GTF2IRD1: variants seen among roughly 807,000 people sequenced by gnomAD.
GTF2IRD1 encodes the protein general transcription factor II-I repeat domain-containing protein 1.
Under a neutral mutation model 113.2 loss-of-function variants are expected in GTF2IRD1, and 26 were observed. That is an observed-to-expected ratio of 0.23 (90% CI 0.17 to 0.32). GTF2IRD1 has a LOEUF of 0.32. GTF2IRD1 is among the 10% of genes least tolerant of loss of function. The pLI is 1.00. For synonymous variants in GTF2IRD1, 484 were observed against 529.1 expected, an observed-to-expected ratio of 0.91 and a Z score of 1.17; for missense variants, 864 against 1,280.8, an observed-to-expected ratio of 0.67 and a Z score of 4.97.
Position 74,512,812 on chromosome 7 carries a change from A to G in GTF2IRD1, c.124-18A>G. On this transcript the variant is annotated intron_variant, in intron 2 of 26. Transcript: ENST00000424337. This position sits in a 1 kb window ranked among gnomAD's most constrained non-coding sequence, Gnocchi z 4.4. Reference sequence around the variant, plus strand: ...GTATGGGGAGCCCTTCCGCTCACACAGCCTGCCCTTCCCACAGTGCTCAGC... The same window carrying G: ...GTATGGGGAGCCCTTCCGCTCACACGGCCTGCCCTTCCCACAGTGCTCAGC... 4 of 1,612,858 alleles carry G rather than the reference A, an allele frequency of 2.5e-6. No individual in the cohort carries two copies. Among genetic ancestry groups the G allele is most frequent in the African/African-American group, 2.7e-5 (2 of 75,026 alleles).
rs1328161110 is a variant in GTF2IRD1, at chr7:74,512,547, T to C, written c.124-283T>C. Among the ~76,000 whole-genome samples the C allele has an allele frequency of 6.6e-6, 1 of 152,126 alleles. No homozygotes were observed. Among genetic ancestry groups the C allele is most frequent in the African/African-American group, 2.4e-5 (1 of 41,424 alleles). ...AGAAAACCCAGCACGGCATTGTCCC[T>C]GGGGCTGGGGCTAAGGGGGGCCTAC... On this transcript the variant is annotated intron_variant, in intron 2 of 26. Coordinates refer to ENST00000424337, the MANE Select transcript of GTF2IRD1 (RefSeq NM_005685.4). The surrounding 1 kb of genome is among the most constrained non-coding windows in gnomAD (Gnocchi z 4.4).
At chr7:74,596,746 G>A (rs1176702461) in intron 25 of GTF2IRD1, among the ~76,000 whole-genome samples, 1 of 152,132 alleles carries the variant, frequency 6.6e-6, no homozygotes, top group Non-Finnish European at 1.5e-5. Context: ...TTGAGTCCAG[G>A]AGTTTGAAAC....
Position 74,538,727 on chromosome 7 carries a change from G to A in GTF2IRD1, c.1495G>A (p.Glu499Lys), listed in dbSNP as rs1299719807. ...GCTGAGGCCGATCAAAATTGAGCCAGAGGATCTGGACATCATTCAGGTCAC... is the reference window on the plus strand; with the variant it reads ...GCTGAGGCCGATCAAAATTGAGCCAAAGGATCTGGACATCATTCAGGTCAC... ...GGLRPIKIEP[E>K]DLDIIQVTVP... Residue 499 changes from glutamate to lysine, a missense_variant, in exon 13 of 27, where the codon GAG (glutamate) becomes AAG (lysine). Physicochemically the swap from Glu to Lys is moderately conservative, Grantham distance 56. Around this residue, in one of 7 missense-constraint regions of GTF2IRD1, gnomAD observed 218 missense variants for 352.6 expected, o/e 0.62. Transcript: ENST00000424337. 4 of 1,605,002 alleles carry A rather than the reference G, an allele frequency of 2.5e-6. No individual in the cohort carries two copies. The highest frequency in any genetic ancestry group is 3.4e-6 in the Non-Finnish European group (4 of 1,171,880).
In GTF2IRD1 at chr7:74,513,000, G is replaced by A. The variant is rs536029138; in HGVS notation, c.265+29G>A. ...AGTACCCCAGGGCTCCGGAGGGCCG[G>A]GCCCGCCATTTCCCGAGGGCAGGCG... On this transcript the variant is annotated intron_variant, in intron 3 of 26. Coordinates refer to ENST00000424337, the MANE Select transcript of GTF2IRD1 (RefSeq NM_005685.4). This position sits in a 1 kb window ranked among gnomAD's most constrained non-coding sequence, Gnocchi z 4.4. 6.2e-7 allele frequency: 1 copy of A among 1,605,654 alleles called. No homozygotes were observed.
chr7:74,479,176 G>A (rs1008194893), intron 1 of GTF2IRD1, among the ~76,000 whole-genome samples: 1 of 152,138 alleles, frequency 6.6e-6, no homozygotes, highest in Non-Finnish European at 1.5e-5. Context: ...TTCCTCCGCC[G>A]TAGCTTCCTG....
At chr7:74,540,065 G>A in intron 14 of GTF2IRD1, 97 bp downstream of exon 14, 2 of 844,248 alleles carry the variant, frequency 2.4e-6, no homozygotes, top group East Asian at 2.5e-5. Context: ...GTTTCTTGGT[G>A]TCAGCCGTCT....
chr7:74,460,102 A>G (rs1793266157), intron 1 of GTF2IRD1, among the ~76,000 whole-genome samples: 1 of 150,600 alleles, frequency 6.6e-6, no homozygotes, highest in Non-Finnish European at 1.5e-5. Context: ...CAGTCTCCCA[A>G]GTAGGTGGGA....
chr7:74,459,055 C>A (rs572188970), intron 1 of GTF2IRD1, among the ~76,000 whole-genome samples: 2 of 152,132 alleles, frequency 1.3e-5, no homozygotes, highest in Non-Finnish European at 2.9e-5. Flanking sequence ...TCTCTCTGGG[C>A]CAATCTGCAC....
intron 22 of GTF2IRD1, among the ~76,000 whole-genome samples, chr7:74,579,269 C>T (rs1300153988): frequency 6.6e-6 from 1 of 152,068 alleles, no homozygotes; most frequent in Non-Finnish European, 1.5e-5. Context: ...GATCGCACTA[C>T]TGCATGGGTG....
chr7:74,587,574 G>A (rs184772595), intron 22 of GTF2IRD1, among the ~76,000 whole-genome samples: 27 of 152,014 alleles, frequency 1.8e-4, no homozygotes, highest in African/African-American at 6.0e-4. Flanking sequence ...CACCCTTACC[G>A]AACCCGCCTG....
At chr7:74,483,487 A>G (rs934379237) in intron 1 of GTF2IRD1, among the ~76,000 whole-genome samples, 3 of 152,294 alleles carry the variant, frequency 2.0e-5, no homozygotes, top group African/African-American at 7.2e-5. Context: ...TTGAGGCTGC[A>G]ATGAGCTATG....
At chr7:74,573,346 G>A (rs891198086) in intron 22 of GTF2IRD1, among the ~76,000 whole-genome samples, 6 of 151,496 alleles carry the variant, frequency 4.0e-5, no homozygotes, top group Non-Finnish European at 1.5e-5. Flanking sequence ...AGGCTGTGGT[G>A]AGCCGTGATC....
intron 3 of GTF2IRD1, 34 bp from the exon 4 acceptor site, chr7:74,515,407 C>T (rs1796872312): frequency 1.3e-6 from 2 of 1,555,672 alleles, no homozygotes; most frequent in East Asian, 2.4e-5. Context: ...GAGACGGGTG[C>T]TCACTGTGGC....
chr7:74,500,186 C>T (rs782340563), intron 1 of GTF2IRD1, among the ~76,000 whole-genome samples: 1 of 152,108 alleles, frequency 6.6e-6, no homozygotes, highest in Non-Finnish European at 1.5e-5. Flanking sequence ...GACCTTGAAC[C>T]GCTGCCACAA....
intron 22 of GTF2IRD1, among the ~76,000 whole-genome samples, chr7:74,586,820 C>G (rs1801742215): frequency 6.6e-6 from 1 of 152,164 alleles, no homozygotes; most frequent in African/African-American, 2.4e-5. Flanking sequence ...AGGCAGCCTC[C>G]TAAACAGAAG....
chr7:74,492,384 A>C (rs1356256441), intron 1 of GTF2IRD1, among the ~76,000 whole-genome samples: 1 of 151,976 alleles, frequency 6.6e-6, no homozygotes, highest in African/African-American at 2.4e-5. Flanking sequence ...GTTAGCCAGG[A>C]TGGTCTTGAT....
intron 21 of GTF2IRD1, 67 bp downstream of exon 21, chr7:74,559,111 T>A: frequency 7.1e-7 from 1 of 1,409,354 alleles, no homozygotes; most frequent in South Asian, 1.3e-5. Flanking sequence ...CACCTGCGAA[T>A]CCTTAGCCTT....
At chr7:74,587,920 G>A (rs1801813918) in intron 22 of GTF2IRD1, among the ~76,000 whole-genome samples, 1 of 152,014 alleles carries the variant, frequency 6.6e-6, no homozygotes, top group Non-Finnish European at 1.5e-5. Context: ...CACACTCCCA[G>A]ACACGGTCTG....
At chr7:74,577,377 C>CTT (rs1208669850) in intron 22 of GTF2IRD1, among the ~76,000 whole-genome samples, 24 of 152,096 alleles carry the variant, frequency 1.6e-4, no homozygotes, top group African/African-American at 5.8e-4. Context: ...ATTTTCCCTG[C>CTT]TTTCTCTCTC....
Sources: allele counts gnomAD v4.1 joint callset (sites outside exome capture counted in the v4.1 genomes callset), GRCh38; gene constraint gnomAD v4.1.1; regional missense constraint gnomAD v4.1.1; non-coding constraint Gnocchi (gnomAD v3.1); transcripts MANE v1.5; gene names NCBI Gene and HGNC (gene_info 2026-07-23, HGNC 2026-07-21).